The following L3MBTL4 variants were observed in gnomAD, a reference collection of about 807,000 sequenced individuals.
The protein encoded by L3MBTL4 is lethal(3)malignant brain tumor-like protein 4.
Under a neutral mutation model 84.5 loss-of-function variants are expected in L3MBTL4, and 70 were observed. The observed-to-expected ratio is 0.83, with a 90% CI of 0.68 to 1.01. L3MBTL4 has a LOEUF of 1.01. L3MBTL4 is among the 50% of genes least tolerant of loss of function. The probability of loss-of-function intolerance (pLI) is 0.00; values close to 1 mark genes in which losing one functional copy is unlikely to be tolerated. For synonymous variants in L3MBTL4, 274 were observed against 259.8 expected, an observed-to-expected ratio of 1.05 and a Z score of -0.52; for missense variants, 715 against 754.8, an observed-to-expected ratio of 0.95 and a Z score of 0.62.
In L3MBTL4 at chr18:6,263,985, G is replaced by C. The variant is rs747508171; in HGVS notation, c.181C>G (p.Gln61Glu). The C allele has an allele frequency of 1.9e-6, 3 of 1,614,078 alleles. No individual in the cohort carries two copies. The highest frequency in any genetic ancestry group is 1.7e-5 in the Admixed American group (1 of 60,030). ...AWSWEWYLKE[Q>E]KAVAAPVELF... is the part of the protein sequence containing the mutation. ...TCAACAGGTGCTGCGACAGCCTTCT[G>C]TTCTTTCAAGTACCACTCCCAAGAC... The change falls in exon 5 of 19, where the codon CAG (glutamine) becomes GAG (glutamate). Residue 61 changes from glutamine (Q) to glutamate (E), a missense_variant. By Grantham distance (29) the Gln-to-Glu change is conservative. Coordinates refer to ENST00000317931, the MANE Select transcript of L3MBTL4 (RefSeq NM_001330559.2).
chr18:5,957,406 A>C (rs1422722917), intron 18 of L3MBTL4, among the ~76,000 whole-genome samples: 1 of 152,154 alleles, frequency 6.6e-6, no homozygotes, highest in Non-Finnish European at 1.5e-5. Flanking sequence ...TTAAAAAGAT[A>C]TTACAGCATG....
chr18:6,056,844 C>G (rs910240898), intron 16 of L3MBTL4, among the ~76,000 whole-genome samples: 9 of 152,126 alleles, frequency 5.9e-5, no homozygotes, highest in Admixed American at 5.2e-4. Context: ...CTCTGCAGAT[C>G]AAGTGCCTCA....
chr18:6,346,001 G>A (rs376651627), intron 1 of L3MBTL4, among the ~76,000 whole-genome samples: 153 of 151,066 alleles, frequency 1.0e-3, no homozygotes, highest in East Asian at 5.6e-3. Flanking sequence ...AGAATGGAGC[G>A]CCAAGAAATA....
At chr18:6,362,591 A>T (rs967805749) in intron 1 of L3MBTL4, among the ~76,000 whole-genome samples, 1 of 152,204 alleles carries the variant, frequency 6.6e-6, no homozygotes, top group African/African-American at 2.4e-5. Context: ...GGCTCAGAGA[A>T]ATTAAGTATC....
At position 6,386,660 on chromosome 18, in the gene L3MBTL4, G is replaced by T. The variant is rs118061082; in HGVS notation, c.-91+28141C>A. On this transcript the variant is annotated intron_variant, in intron 1 of 18. Coordinates refer to ENST00000317931, the MANE Select transcript of L3MBTL4 (RefSeq NM_001330559.2). ...GAGTGGAAACTGACCTGTGTGAAGA[G>T]TGTTCCCAGTAAGGAGAAGTGTAGA... 6.6e-5 allele frequency among the ~76,000 whole-genome samples: 10 copies of T among 152,272 alleles called. No individual in the cohort carries two copies. The East Asian group carries it at 1.9e-3, about 29-fold the overall frequency.
chr18:6,044,895 A>G (rs750320203), intron 16 of L3MBTL4, among the ~76,000 whole-genome samples: 7 of 152,070 alleles, frequency 4.6e-5, no homozygotes, highest in African/African-American at 1.4e-4. Context: ...TCCACAATCT[A>G]TTTTCCTGTG....
At chr18:6,268,004 A>G (rs1223672641) in intron 4 of L3MBTL4, among the ~76,000 whole-genome samples, 1 of 152,212 alleles carries the variant, frequency 6.6e-6, no homozygotes, top group Non-Finnish European at 1.5e-5. Context: ...GCTGAAATTA[A>G]CCATATTCTA....
At chr18:6,147,729 A>G (rs1461876640) in intron 13 of L3MBTL4, among the ~76,000 whole-genome samples, 1 of 152,242 alleles carries the variant, frequency 6.6e-6, no homozygotes, top group Non-Finnish European at 1.5e-5. Context: ...TGCAGACTCC[A>G]AAAGTCTCTT....
chr18:6,388,435 G>A lies in L3MBTL4; in HGVS notation c.-91+26366C>T, dbSNP rs137917037. Among the ~76,000 whole-genome samples the A allele has an allele frequency of 3.3e-4, 50 of 152,238 alleles. No homozygotes were observed. The East Asian group carries it at 9.3e-3, about 28-fold the overall frequency. ...TATAGAAATTTCAGAATAAATTATG[G>A]TACATCATCACACCATAAAATATTA... On this transcript the variant is annotated intron_variant, in intron 1 of 18. Coordinates refer to ENST00000317931, the MANE Select transcript of L3MBTL4 (RefSeq NM_001330559.2).
chr18:6,293,422 G>A (rs758096770), intron 4 of L3MBTL4, among the ~76,000 whole-genome samples: 2 of 151,962 alleles, frequency 1.3e-5, no homozygotes, highest in Non-Finnish European at 2.9e-5. Flanking sequence ...CAGCTTGAAG[G>A]GGACTCACTG....
chr18:6,103,596 G>T (rs1301100687), intron 14 of L3MBTL4, among the ~76,000 whole-genome samples: 2 of 152,080 alleles, frequency 1.3e-5, no homozygotes, highest in African/African-American at 4.8e-5. Flanking sequence ...ATGCATTTTG[G>T]CAATGAATCA....
intron 1 of L3MBTL4, chr18:6,396,281 C>T (rs1038823554): frequency 2.0e-5 from 3 of 152,220 alleles, no homozygotes; most frequent in Non-Finnish European, 4.4e-5. Flanking sequence ...TAGGAACCCC[C>T]GTCATGTAGA....
rs565760368 is a variant in L3MBTL4 at position 6,387,274 on chromosome 18, A to G, written c.-91+27527T>C. Among the ~76,000 whole-genome samples the G allele has an allele frequency of 2.6e-5, 4 of 152,314 alleles. No homozygotes were observed. In the East Asian group the frequency reaches 5.8e-4, roughly 22 times the overall value. On this transcript the variant is annotated intron_variant, in intron 1 of 18. Transcript: ENST00000317931. ...GTGCTACCACTATTCCCTTGCCTAC[A>G]AAGTGAAGTAAATGGTTAGATTTGT...
chr18:6,184,553 T>C (rs920515679), intron 12 of L3MBTL4, among the ~76,000 whole-genome samples: 5 of 152,252 alleles, frequency 3.3e-5, no homozygotes, highest in Admixed American at 3.3e-4. Context: ...AACATTGTTA[T>C]TCAAGAAATA....
chr18:6,372,662 GC>G lies in L3MBTL4; in HGVS notation c.-91+42138del, dbSNP rs529385160. On this transcript the variant is annotated intron_variant, in intron 1 of 18. Transcript: ENST00000317931. ...ACCTACTGTTTCCAATCCAGTAAGT[GC>G]CCCCTTTCACTCTCCAAAGTGTCCT... 2.8e-3 allele frequency among the ~76,000 whole-genome samples: 431 copies of G among 152,222 alleles called. 1 individual carries two copies. Among genetic ancestry groups the G allele is most frequent in the Non-Finnish European group, 4.6e-3 (316 of 68,020 alleles).
At chr18:5,975,844 C>T (rs1243634854) in intron 16 of L3MBTL4, among the ~76,000 whole-genome samples, 2 of 152,240 alleles carry the variant, frequency 1.3e-5, no homozygotes. Context: ...AGTCATATTG[C>T]TCCTCAGACA....
chr18:5,963,443 T>G (rs1473569740), intron 17 of L3MBTL4, among the ~76,000 whole-genome samples: 1 of 152,232 alleles, frequency 6.6e-6, no homozygotes, highest in African/African-American at 2.4e-5. Flanking sequence ...GACGCGGCCC[T>G]GCCCCGTGGT....
At chr18:6,146,772 T>C (rs1221816542) in intron 13 of L3MBTL4, among the ~76,000 whole-genome samples, 1 of 152,132 alleles carries the variant, frequency 6.6e-6, no homozygotes, top group Non-Finnish European at 1.5e-5. Flanking sequence ...CAGGGAAAAT[T>C]TGATAATGTA....
intron 14 of L3MBTL4, among the ~76,000 whole-genome samples, chr18:6,100,835 C>A (rs1011908383): frequency 6.6e-6 from 1 of 152,320 alleles, no homozygotes; most frequent in Non-Finnish European, 1.5e-5. Context: ...TGGCCTCCTG[C>A]GACACCACCC....
Sources: allele counts gnomAD v4.1 joint callset (sites outside exome capture counted in the v4.1 genomes callset), GRCh38; gene constraint gnomAD v4.1.1; transcripts MANE v1.5; gene names NCBI Gene and HGNC (gene_info 2026-07-23, HGNC 2026-07-21).